TMEM50A: variants seen among roughly 807,000 people sequenced by gnomAD.
TMEM50A encodes cervical cancer oncogene 9.
TMEM50A carries 8 observed loss-of-function variants against 23.9 expected under a neutral mutation model. That is an observed-to-expected ratio of 0.33 (90% CI 0.20 to 0.60). The LOEUF (loss-of-function observed/expected upper bound fraction) is 0.60. Among genes scored for constraint, TMEM50A ranks in the 20% least tolerant of loss-of-function variants. The probability of loss-of-function intolerance (pLI) is 0.81; values close to 1 mark genes in which losing one functional copy is unlikely to be tolerated. For synonymous variants in TMEM50A, 55 were observed against 60.4 expected (o/e 0.91, Z 0.41); for missense variants, 178 against 192.7 (o/e 0.92, Z 0.45).
In TMEM50A at chr1:25,361,431, CA is replaced by C. The variant is rs1645402199; in HGVS notation, c.*727del. The C allele has an allele frequency of 6.6e-6, 1 of 152,288 alleles. No individual in the cohort carries two copies. The highest frequency in any genetic ancestry group is 2.1e-4 in the South Asian group (1 of 4,838). 9.4% of individuals were successfully genotyped at this position (152,288 alleles called of 1,614,324 possible). A position where few individuals can be genotyped will look rare whatever the true frequency, so the allele number is the denominator to read the frequency against. On this transcript the variant is annotated 3_prime_UTR_variant, in exon 7 of 7. Coordinates refer to ENST00000374358, the MANE Select transcript of TMEM50A (RefSeq NM_014313.4). ...ACCATTGAAGGAAAGGAAAAAAGGG[CA>C]GAGACTTGACACTCCAGTCTTAGAC... is the stretch of plus-strand genomic sequence containing the variant.
At chr1:25,353,104 C>T (rs1222975253) in intron 5 of TMEM50A, 130 bp downstream of exon 5, 28 of 664,532 alleles carry the variant, frequency 4.2e-5, no homozygotes, top group Non-Finnish European at 6.0e-5. Context: ...ATATCCGGGA[C>T]CCCCCACCCT....
intron 5 of TMEM50A, among the ~76,000 whole-genome samples, chr1:25,354,983 G>T (rs1029256051): frequency 1.3e-5 from 2 of 152,136 alleles, no homozygotes; most frequent in Non-Finnish European, 2.9e-5. Context: ...TGTTGGCCAG[G>T]CTGGTCTTGA....
chr1:25,344,585 T>C (rs1645194827), intron 3 of TMEM50A, among the ~76,000 whole-genome samples: 2 of 152,138 alleles, frequency 1.3e-5, no homozygotes, highest in South Asian at 4.1e-4. Flanking sequence ...TCACCTTGTT[T>C]GCCAGGCTGG....
At chr1:25,351,119 C>G (rs1046405021) in intron 3 of TMEM50A, among the ~76,000 whole-genome samples, 1 of 147,780 alleles carries the variant, frequency 6.8e-6, no homozygotes, top group South Asian at 2.1e-4. Flanking sequence ...GAGCCGAGAT[C>G]GTGCCACTAC....
At chr1:25,352,273 A>T (rs1645281859) in intron 4 of TMEM50A, among the ~76,000 whole-genome samples, 1 of 152,108 alleles carries the variant, frequency 6.6e-6, no homozygotes, top group Admixed American at 6.6e-5. Context: ...AGGCAGGCAG[A>T]TCACAAGGTC....
At chr1:25,346,193 T>C (rs1181470842) in intron 3 of TMEM50A, among the ~76,000 whole-genome samples, 1 of 152,176 alleles carries the variant, frequency 6.6e-6, no homozygotes, top group Admixed American at 6.6e-5. Context: ...TAAGGGCCTT[T>C]GTTTCCTTAA....
chr1:25,356,019 C>G (rs934200063), intron 5 of TMEM50A, among the ~76,000 whole-genome samples: 1 of 152,212 alleles, frequency 6.6e-6, no homozygotes, highest in African/African-American at 2.4e-5. Flanking sequence ...TACCATCTCT[C>G]CATTGCTACC....
At chr1:25,340,404 T>TA in intron 1 of TMEM50A, 70 bp from the exon 2 acceptor site, 1 of 1,003,024 alleles carries the variant, frequency 1.0e-6, no homozygotes, top group Non-Finnish European at 1.5e-6. Flanking sequence ...CCTGAGCTAT[T>TA]AATTATTTTT....
chr1:25,360,511 TCA>T, intron 6 of TMEM50A, 147 bp from the exon 7 acceptor site: 1 of 737,800 alleles, frequency 1.4e-6, no homozygotes, highest in Non-Finnish European at 2.3e-6. Flanking sequence ...CTTAGAATGA[TCA>T]GTTTCTGTTT....
rs561237850 is a variant in TMEM50A, at chr1:25,353,036, G to C, written c.367+62G>C. The C allele has an allele frequency of 2.1e-5, 31 of 1,472,554 alleles. No individual in the cohort carries two copies. In the Admixed American group the frequency reaches 3.2e-4, roughly 15 times the overall value. 91.2% of individuals were successfully genotyped at this position (1,472,554 alleles called of 1,614,324 possible). A position where few individuals can be genotyped will look rare whatever the true frequency, so the allele number is the denominator to read the frequency against. ...AATACTGGAATTTTGCATTAAAGTTGGTTATTTTAGAATAAAATTTTTTTC... is the reference window on the plus strand; with the variant it reads ...AATACTGGAATTTTGCATTAAAGTTCGTTATTTTAGAATAAAATTTTTTTC... On this transcript the variant is annotated intron_variant, in intron 5 of 6. Transcript: ENST00000374358.
chr1:25,339,548 A>C (rs1645144948), intron 1 of TMEM50A, among the ~76,000 whole-genome samples: 1 of 152,248 alleles, frequency 6.6e-6, no homozygotes, highest in African/African-American at 2.4e-5. Context: ...ACTGCAGTGC[A>C]GTGTTTAATT....
chr1:25,338,618 C>T (rs1000392276), intron 1 of TMEM50A, 162 bp downstream of exon 1: 3 of 152,404 alleles, frequency 2.0e-5, no homozygotes, highest in Admixed American at 6.5e-5. Context: ...GACCTCTCCT[C>T]TCCTGGGTCC....
intron 3 of TMEM50A, among the ~76,000 whole-genome samples, chr1:25,347,145 C>T (rs914403763): frequency 1.3e-5 from 2 of 152,148 alleles, no homozygotes; most frequent in Non-Finnish European, 2.9e-5. Flanking sequence ...AGATTTAAAA[C>T]ATCACCCCAG....
intron 3 of TMEM50A, among the ~76,000 whole-genome samples, chr1:25,345,724 C>T (rs772054060): frequency 3.3e-5 from 5 of 151,866 alleles, no homozygotes; most frequent in African/African-American, 7.3e-5. Context: ...CCAGCCTGGG[C>T]GACAGAGGGA....
At chr1:25,345,781 T>A (rs1461633427) in intron 3 of TMEM50A, among the ~76,000 whole-genome samples, 1 of 150,264 alleles carries the variant, frequency 6.7e-6, no homozygotes, top group Non-Finnish European at 1.5e-5. Flanking sequence ...TATTTTAGTT[T>A]GTTTATTTAT....
intron 2 of TMEM50A, among the ~76,000 whole-genome samples, chr1:25,341,624 C>G (rs933729399): frequency 5.3e-5 from 8 of 152,156 alleles, no homozygotes; most frequent in Non-Finnish European, 8.8e-5. Context: ...GATGATCTGT[C>G]TGCCTCGGCC....
Position 25,362,259 on chromosome 1 carries a change from C to G in TMEM50A, c.*1554C>G. The G allele has an allele frequency of 1.4e-6, 1 of 696,094 alleles. No individual in the cohort carries two copies. The highest frequency in any genetic ancestry group is 2.3e-6 in the Non-Finnish European group (1 of 430,662). 43.1% of individuals were successfully genotyped at this position (696,094 alleles called of 1,614,324 possible). On this transcript the variant is annotated 3_prime_UTR_variant, in exon 7 of 7. Transcript: ENST00000374358. The stretch of plus-strand genomic sequence containing the variant: ...CTTAAGAATTGTCAATAAAATTAAC[C>G]CAAAACTTTAATAATGTGTCTGTAA...
intron 2 of TMEM50A, among the ~76,000 whole-genome samples, chr1:25,341,049 A>T (rs556383022): frequency 1.3e-5 from 2 of 152,246 alleles, no homozygotes; most frequent in Admixed American, 6.5e-5. Context: ...ATTTTTTTTT[A>T]AAAAGCAAAA....
At chr1:25,352,199 G>A (rs1478790590) in intron 4 of TMEM50A, among the ~76,000 whole-genome samples, 1 of 151,996 alleles carries the variant, frequency 6.6e-6, no homozygotes, top group African/African-American at 2.4e-5. Context: ...AAGTACTCTT[G>A]GAAGATCTGG....
Sources: gnomAD v4.1 joint callset for allele counts (sites outside exome capture counted in the v4.1 genomes callset) on GRCh38, gnomAD v4.1.1 for gene constraint, MANE v1.5 for transcripts, NCBI Gene and HGNC (gene_info 2026-07-23, HGNC 2026-07-21) for gene names.